HACD3: variants seen among roughly 807,000 people sequenced by gnomAD.
HACD3 encodes the protein very-long-chain (3R)-3-hydroxyacyl-CoA dehydratase 3.
A neutral mutation model predicts 55.2 loss-of-function variants in HACD3; 30 were observed. That is an observed-to-expected ratio of 0.54 (90% confidence interval 0.41 to 0.74). The LOEUF is 0.74. Among genes scored for constraint, HACD3 ranks in the 30% least tolerant of loss-of-function variants. The pLI is 0.00. For missense variants in HACD3, 363 were observed against 440.1 expected (o/e 0.82, Z 1.57); for synonymous variants, 141 against 151.7 (o/e 0.93, Z 0.52).
intron 7 of HACD3, chr15:65,564,549 G>C (rs969188020): frequency 5.3e-6 from 3 of 568,120 alleles, no homozygotes; most frequent in South Asian, 4.9e-5. Flanking sequence ...CACTTCTTAC[G>C]TGGTGGCGGC....
At chr15:65,539,987 A>G (rs1374142486) in intron 1 of HACD3, among the ~76,000 whole-genome samples, 2 of 152,206 alleles carry the variant, frequency 1.3e-5, no homozygotes, top group Non-Finnish European at 2.9e-5. Context: ...GTTACCTGCG[A>G]AGTTGGGGCA....
At chr15:65,559,564 G>T (rs548682378) in intron 5 of HACD3, among the ~76,000 whole-genome samples, 1 of 151,402 alleles carries the variant, frequency 6.6e-6, no homozygotes, top group African/African-American at 2.4e-5. Context: ...GTGCCCCAGG[G>T]GGTTCCCAGA....
chr15:65,544,335 T>C (rs997243418), intron 1 of HACD3, among the ~76,000 whole-genome samples: 8 of 152,188 alleles, frequency 5.3e-5, no homozygotes, highest in African/African-American at 1.9e-4. Context: ...TAGATGAACC[T>C]ATACAGGTGA....
At chr15:65,536,123 C>G (rs920309381) in intron 1 of HACD3, among the ~76,000 whole-genome samples, 1 of 152,114 alleles carries the variant, frequency 6.6e-6, no homozygotes, top group African/African-American at 2.4e-5. Context: ...CTCAAGTGAT[C>G]CTTCCACCTC....
Position 65,577,280 on chromosome 15 carries a change from G to A in HACD3, c.*901G>A, listed in dbSNP as rs1426663353. 1.3e-5 allele frequency: 2 copies of A among 152,134 alleles called. No homozygotes were observed. The highest frequency in any genetic ancestry group is 4.8e-5 in the African/African-American group (2 of 41,412). 9.4% of individuals were successfully genotyped at this position (152,134 alleles called of 1,614,324 possible). On this transcript the variant is annotated 3_prime_UTR_variant, in exon 11 of 11. Coordinates refer to ENST00000261875, the MANE Select transcript of HACD3 (RefSeq NM_016395.4). Reference sequence around the variant, plus strand: ...ATCTCTACAAAAAATAAAAAAATTAGCTGGGTGTGATGGCACACACCTGTT... The same window carrying A: ...ATCTCTACAAAAAATAAAAAAATTAACTGGGTGTGATGGCACACACCTGTT...
At chr15:65,559,360 T>C (rs1265961928) in intron 5 of HACD3, among the ~76,000 whole-genome samples, 1 of 152,038 alleles carries the variant, frequency 6.6e-6, no homozygotes, top group Non-Finnish European at 1.5e-5. Context: ...GTAGCGCCTA[T>C]ACTCAAAAGG....
chr15:65,537,783 ACT>A (rs35965020), intron 1 of HACD3, among the ~76,000 whole-genome samples: 17,100 of 61,298 alleles, frequency 0.28, 2,289 homozygotes, highest in East Asian at 0.78. Flanking sequence ...ATAGAGAGAG[ACT>A]CTGTCTCAAA....
chr15:65,539,994 G>A (rs796738570), intron 1 of HACD3, among the ~76,000 whole-genome samples: 1 of 152,136 alleles, frequency 6.6e-6, no homozygotes, highest in South Asian at 2.1e-4. Flanking sequence ...GCGAAGTTGG[G>A]GCATGTTTGA....
chr15:65,530,748 C>A (rs1339377853), intron 1 of HACD3, 30 bp downstream of exon 1: 3 of 1,522,540 alleles, frequency 2.0e-6, no homozygotes. Flanking sequence ...GCGGGAAGCG[C>A]GCGGGATCGC....
At chr15:65,534,013 T>C (rs1240631297) in intron 1 of HACD3, among the ~76,000 whole-genome samples, 1 of 148,854 alleles carries the variant, frequency 6.7e-6, no homozygotes. Flanking sequence ...ACTGCGCCAC[T>C]GCACTCCAGC....
intron 6 of HACD3, 103 bp from the exon 7 acceptor site, chr15:65,564,112 C>G: frequency 2.2e-6 from 3 of 1,388,848 alleles, no homozygotes; most frequent in Non-Finnish European, 3.0e-6. Flanking sequence ...GTTTGTTATT[C>G]CTTTCTTACA....
At chr15:65,547,052 C>T (rs969574303) in intron 1 of HACD3, among the ~76,000 whole-genome samples, 19 of 151,840 alleles carry the variant, frequency 1.3e-4, no homozygotes, top group African/African-American at 4.6e-4. Context: ...CCACCAGCGA[C>T]GAAAAATGCA....
At chr15:65,560,574 G>T (rs75179218) in intron 5 of HACD3, among the ~76,000 whole-genome samples, 2,846 of 152,210 alleles carry the variant, frequency 0.019, 34 homozygotes, top group Middle Eastern at 0.031. Flanking sequence ...GAGGCGGGAG[G>T]ATCTTTTAGG....
intron 1 of HACD3, among the ~76,000 whole-genome samples, chr15:65,549,958 C>T (rs1338438789): frequency 6.6e-6 from 1 of 152,210 alleles, no homozygotes; most frequent in Non-Finnish European, 1.5e-5. Context: ...GAAGCAAATG[C>T]AGATCGATCC....
intron 1 of HACD3, among the ~76,000 whole-genome samples, chr15:65,537,818 C>A (rs561502134): frequency 1.2e-5 from 1 of 80,418 alleles, no homozygotes; most frequent in African/African-American, 4.6e-5. Context: ...AAGAATTATG[C>A]TAAATCTACT....
At chr15:65,569,929 T>G (rs1409158858) in intron 7 of HACD3, among the ~76,000 whole-genome samples, 162 bp from the exon 8 acceptor site, 3 of 152,180 alleles carry the variant, frequency 2.0e-5, no homozygotes, top group African/African-American at 7.2e-5. Flanking sequence ...AAGACTGGTT[T>G]GGGCACTTTA....
At chr15:65,565,314 A>G (rs60708209) in intron 7 of HACD3, 9,216 of 152,384 alleles carry the variant, frequency 0.06, 289 homozygotes, top group African/African-American at 0.083. Context: ...TCACAGCTCC[A>G]CTAGGCAGTG....
At chr15:65,541,775 A>G (rs1301168401) in intron 1 of HACD3, among the ~76,000 whole-genome samples, 1 of 152,200 alleles carries the variant, frequency 6.6e-6, no homozygotes, top group Non-Finnish European at 1.5e-5. Context: ...TTAGAAGATG[A>G]TACAAACTTT....
At chr15:65,572,210 A>G (rs764741837) in intron 9 of HACD3, 25 bp from the exon 10 acceptor site, 2 of 1,609,672 alleles carry the variant, frequency 1.2e-6, no homozygotes, top group African/African-American at 1.3e-5. Context: ...ATTTGCTTCT[A>G]ACAAGTTCTT....
Sources: gnomAD v4.1 joint callset for allele counts (sites outside exome capture counted in the v4.1 genomes callset) on GRCh38, gnomAD v4.1.1 for gene constraint, MANE v1.5 for transcripts, NCBI Gene and HGNC (gene_info 2026-07-23, HGNC 2026-07-21) for gene names.